The following KCNA4 variants were observed in gnomAD, a reference collection of about 807,000 sequenced individuals.
KCNA4 encodes potassium voltage-gated channel subfamily A member 4.
KCNA4 carries 5 observed loss-of-function variants against 37.2 expected under a neutral mutation model. The observed-to-expected ratio is 0.13, with a 90% confidence interval of 0.07 to 0.28. The LOEUF is 0.28. Among genes scored for constraint, KCNA4 ranks in the 10% least tolerant of loss-of-function variants. The pLI is 1.00. For synonymous variants in KCNA4, 350 were observed against 311.8 expected, an observed-to-expected ratio of 1.12 and a Z score of -1.29; for missense variants, 634 against 817.4, an observed-to-expected ratio of 0.78 and a Z score of 2.74.
chr11:30,010,781 C>G lies in KCNA4; in HGVS notation c.1898G>C (p.Gly633Ala). Residue 633 changes from glycine (G) to alanine (A), a missense_variant, in exon 2 of 2, where the codon GGG becomes GCG. This residue lies in a region of KCNA4 where 91 missense variants were observed against 95.8 expected (regional missense o/e 0.95). Coordinates refer to ENST00000328224, the MANE Select transcript of KCNA4 (RefSeq NM_002233.4). ...CAKEEKCQGK[G>A]DDSETDKNNC... ...GTTTTTATCTGTCTCACTGTCATCCCCCTTTCCCTGACACTTCTCCTCCTT... is the reference window on the plus strand; with the variant it reads ...GTTTTTATCTGTCTCACTGTCATCCGCCTTTCCCTGACACTTCTCCTCCTT... 1 of 1,614,132 alleles carries G rather than the reference C, an allele frequency of 6.2e-7. No individual in the cohort carries two copies.
chr11:30,016,095 A>C (rs1000523863), intron 1 of KCNA4, among the ~76,000 whole-genome samples: 1 of 152,076 alleles, frequency 6.6e-6, no homozygotes, highest in Admixed American at 6.6e-5. Flanking sequence ...CACGCCATTT[A>C]TGCAGCCCCT....
rs947221985 is a variant in KCNA4 at position 30,012,889 on chromosome 11, C to T, written c.-211G>A. ...CTTCTCAGGGATTCAACATTGCTCTCCAGAGCTTGGCTGGTCGAGATAAAT... is the reference window on the plus strand; with the variant it reads ...CTTCTCAGGGATTCAACATTGCTCTTCAGAGCTTGGCTGGTCGAGATAAAT... On this transcript the variant is annotated 5_prime_UTR_variant, in exon 2 of 2. Transcript: ENST00000328224. 50 of 611,914 alleles carry T rather than the reference C, an allele frequency of 8.2e-5. No individual in the cohort carries two copies. In the Middle Eastern group the frequency reaches 2.3e-3, roughly 29 times the overall value. 37.9% of individuals were successfully genotyped at this position (611,914 alleles called of 1,614,324 possible). A position where few individuals can be genotyped will look rare whatever the true frequency, so the allele number is the denominator to read the frequency against.
At chr11:30,013,853 A>T (rs1420044106) in intron 1 of KCNA4, among the ~76,000 whole-genome samples, 1 of 152,124 alleles carries the variant, frequency 6.6e-6, no homozygotes, top group Non-Finnish European at 1.5e-5. Flanking sequence ...TTTCAAGGCA[A>T]TTTTTAAAAT....
At position 30,010,862 on chromosome 11, in the gene KCNA4, C is replaced by G; in HGVS notation, c.1817G>C (p.Gly606Ala). The change falls in exon 2 of 2, where the codon GGG (glycine) becomes GCG (alanine). Residue 606 changes from glycine (G) to alanine (A), a missense_variant. Around this residue, in one of 8 missense-constraint regions of KCNA4, gnomAD observed 91 missense variants for 95.8 expected, o/e 0.95. Coordinates refer to ENST00000328224, the MANE Select transcript of KCNA4 (RefSeq NM_002233.4). Reference protein sequence around the residue: ...KFRSSTSSSLGDKSEYLEMEE... With the variant: ...KFRSSTSSSLADKSEYLEMEE... ...CATCTCTAGATACTCTGACTTGTCC[C>G]CCAGGGAAGAAGAAGTAGAGCTCCG... 2 of 1,614,154 alleles carry G rather than the reference C, an allele frequency of 1.2e-6. No individual in the cohort carries two copies. The highest frequency in any genetic ancestry group is 1.7e-6 in the Non-Finnish European group (2 of 1,180,036).
Position 30,011,560 on chromosome 11 carries a change from G to A in KCNA4, c.1119C>T (p.Ile373=), listed in dbSNP as rs775146851. 1.9e-6 allele frequency: 3 copies of A among 1,614,114 alleles called. No individual in the cohort carries two copies. The highest frequency in any genetic ancestry group is 1.1e-5 in the South Asian group (1 of 91,070). The part of the protein sequence containing the change: ...GHTIFNDPFF[I]VETVCIVWFS... The stretch of plus-strand genomic sequence containing the variant: ...ACCATACAATACAGACTGTTTCCAC[G>A]ATGAAGAAGGGGTCATTGAATATTG... Residue 373 remains isoleucine, a synonymous_variant, in exon 2 of 2, where the codon ATC becomes ATT. Transcript: ENST00000328224. This position sits in a 1 kb window ranked among gnomAD's most constrained non-coding sequence, Gnocchi z 5.6.
Position 30,012,526 on chromosome 11 carries a change from G to GACAGCAGCTGTGGCCGCTGCA in KCNA4, c.132_152dup (p.Ala45_Val51dup). 1 of 1,608,768 alleles carries GACAGCAGCTGTGGCCGCTGCA rather than the reference G, an allele frequency of 6.2e-7. No individual in the cohort carries two copies. Among genetic ancestry groups the GACAGCAGCTGTGGCCGCTGCA allele is most frequent in the Non-Finnish European group, 8.5e-7 (1 of 1,179,930 alleles). Reference sequence around the variant, plus strand: ...CCCCACCAGAACCCCCGCTACCTTCGACAGCAGCTGTGGCCGCTGCAACAG... The same window carrying GACAGCAGCTGTGGCCGCTGCA: ...CCCCACCAGAACCCCCGCTACCTTCGACAGCAGCTGTGGCCGCTGCAACAGCAGCTGTGGCCGCTGCAACAG... On this transcript the variant is annotated inframe_insertion, in exon 2 of 2. Coordinates refer to ENST00000328224, the MANE Select transcript of KCNA4 (RefSeq NM_002233.4).
intron 1 of KCNA4, among the ~76,000 whole-genome samples, chr11:30,013,750 T>A (rs1444892932): frequency 1.3e-5 from 2 of 152,208 alleles, no homozygotes; most frequent in Non-Finnish European, 2.9e-5. Flanking sequence ...TATCTTCCCC[T>A]TCACCAATGC....
Position 30,010,547 on chromosome 11 carries a change from TA to T in KCNA4, c.*169del. 4 of 1,009,790 alleles carry T rather than the reference TA, an allele frequency of 4.0e-6. No individual in the cohort carries two copies. The highest frequency in any genetic ancestry group is 5.4e-6 in the Non-Finnish European group (4 of 737,026). 62.6% of individuals were successfully genotyped at this position (1,009,790 alleles called of 1,614,324 possible). On this transcript the variant is annotated 3_prime_UTR_variant, in exon 2 of 2. Transcript: ENST00000328224. The stretch of plus-strand genomic sequence containing the variant: ...TCCCTCTTCTCCAAGATGTATCATT[TA>T]TTTGATATGTAATACAAGTTTAGTA...
At position 30,012,865 on chromosome 11, in the gene KCNA4, T is replaced by G; in HGVS notation, c.-187A>C. On this transcript the variant is annotated 5_prime_UTR_variant, in exon 2 of 2. Transcript: ENST00000328224. ...AAATCAGCACGCCCCATGCTCTCTC[T>G]TCTCAGGGATTCAACATTGCTCTCC... is the stretch of plus-strand genomic sequence containing the variant. 6.7e-6 allele frequency: 5 copies of G among 746,782 alleles called. No individual in the cohort carries two copies. Among genetic ancestry groups the G allele is most frequent in the Non-Finnish European group, 1.0e-5 (5 of 497,816 alleles). The allele number at this position is 746,782 out of a possible 1,614,324, so 46.3% of individuals were successfully genotyped here. A position where few individuals can be genotyped will look rare whatever the true frequency, so the allele number is the denominator to read the frequency against.
In KCNA4 at chr11:30,011,322, G is replaced by A; in HGVS notation, c.1357C>T (p.Arg453Trp). ...GAGTGCCTGGAGAGTTTGAAGATCCGGAATACTCGGACCAGACGAATGATT... is the reference window on the plus strand; with the variant it reads ...GAGTGCCTGGAGAGTTTGAAGATCCAGAATACTCGGACCAGACGAATGATT... ...LRIIRLVRVF[R>W]IFKLSRHSKG... Residue 453 changes from arginine to tryptophan, a missense_variant, in exon 2 of 2, where the codon CGG becomes TGG. Coordinates refer to ENST00000328224, the MANE Select transcript of KCNA4 (RefSeq NM_002233.4). The surrounding 1 kb of genome is among the most constrained non-coding windows in gnomAD (Gnocchi z 5.6). The A allele has an allele frequency of 6.2e-7, 1 of 1,614,124 alleles. No individual in the cohort carries two copies. Among genetic ancestry groups the A allele is most frequent in the Non-Finnish European group, 8.5e-7 (1 of 1,180,032 alleles).
chr11:30,012,682 G>T lies in KCNA4; in HGVS notation c.-4C>A, dbSNP rs762210491. On this transcript the variant is annotated 5_prime_UTR_variant, in exon 2 of 2. Coordinates refer to ENST00000328224, the MANE Select transcript of KCNA4 (RefSeq NM_002233.4). ...CACTCACCATTGCAACCTCCATGGTGGTGGTTTTCGGAAATGGCTGGTTCC... is the reference window on the plus strand; with the variant it reads ...CACTCACCATTGCAACCTCCATGGTTGTGGTTTTCGGAAATGGCTGGTTCC... The T allele has an allele frequency of 3.5e-5, 54 of 1,524,454 alleles. No individual in the cohort carries two copies. Among genetic ancestry groups the T allele is most frequent in the Non-Finnish European group, 4.7e-5 (53 of 1,135,564 alleles). The allele number at this position is 1,524,454 out of a possible 1,614,324, so 94.4% of individuals were successfully genotyped here. A position where few individuals can be genotyped will look rare whatever the true frequency, so the allele number is the denominator to read the frequency against.
In KCNA4 at chr11:30,012,761, A is replaced by G; in HGVS notation, c.-83T>C. On this transcript the variant is annotated 5_prime_UTR_variant, in exon 2 of 2. Transcript: ENST00000328224. ...GGGCAGCTTCTTTTCTCACCAAATTAAGGTAAGTTTGGAACCCTTAAGCAG... is the reference window on the plus strand; with the variant it reads ...GGGCAGCTTCTTTTCTCACCAAATTGAGGTAAGTTTGGAACCCTTAAGCAG... The G allele has an allele frequency of 6.7e-7, 1 of 1,502,422 alleles. No homozygotes were observed. The highest frequency in any genetic ancestry group is 8.9e-7 in the Non-Finnish European group (1 of 1,125,192). The allele number at this position is 1,502,422 out of a possible 1,614,324, so 93.1% of individuals were successfully genotyped here. A position where few individuals can be genotyped will look rare whatever the true frequency, so the allele number is the denominator to read the frequency against.
Position 30,010,871 on chromosome 11 carries a change from G to C in KCNA4, c.1808C>G (p.Ser603Cys), listed in dbSNP as rs749952273. The change falls in exon 2 of 2, where the codon TCT becomes TGT. Residue 603 changes from serine (S) to cysteine (C), a missense_variant. Ser to Cys is a moderately radical substitution (Grantham distance 112). Around this residue, in one of 8 missense-constraint regions of KCNA4, gnomAD observed 91 missense variants for 95.8 expected, o/e 0.95. Transcript: ENST00000328224. ...LLKKFRSSTS[S>C]SLGDKSEYLE... is the part of the protein sequence containing the mutation. ...ATACTCTGACTTGTCCCCCAGGGAAGAAGAAGTAGAGCTCCGAAATTTCTT... is the reference window on the plus strand; with the variant it reads ...ATACTCTGACTTGTCCCCCAGGGAACAAGAAGTAGAGCTCCGAAATTTCTT... The C allele has an allele frequency of 6.2e-7, 1 of 1,614,200 alleles. No homozygotes were observed. Among genetic ancestry groups the C allele is most frequent in the South Asian group, 1.1e-5 (1 of 91,080 alleles).
At position 30,016,871 on chromosome 11, in the gene KCNA4, T is replaced by A; in HGVS notation, c.-1082A>T. The stretch of plus-strand genomic sequence containing the variant: ...CCTCTGGAGTTCAGCACAGGAGGGA[T>A]TGCCTGGGAAAGGAAGTCAAGGTTC... On this transcript the variant is annotated 5_prime_UTR_variant, in exon 1 of 2. Coordinates refer to ENST00000328224, the MANE Select transcript of KCNA4 (RefSeq NM_002233.4). 2.5e-6 allele frequency: 1 copy of A among 397,958 alleles called. No homozygotes were observed. Among genetic ancestry groups the A allele is most frequent in the East Asian group, 3.6e-5 (1 of 28,008 alleles). The allele number at this position is 397,958 out of a possible 1,614,324, so 24.7% of individuals were successfully genotyped here. A position where few individuals can be genotyped will look rare whatever the true frequency, so the allele number is the denominator to read the frequency against.
intron 1 of KCNA4, among the ~76,000 whole-genome samples, chr11:30,014,707 T>G (rs1850336035): frequency 6.6e-6 from 1 of 152,100 alleles, no homozygotes; most frequent in Non-Finnish European, 1.5e-5. Context: ...TCTCCCAAGA[T>G]CCAGGTAATT....
rs201531731 is a variant in KCNA4, at chr11:30,010,760, T to C, written c.1919A>G (p.Lys640Arg). Residue 640 changes from lysine (K) to arginine (R), a missense_variant, in exon 2 of 2, where the codon AAA becomes AGA. Lys to Arg is a conservative substitution (Grantham distance 26, BLOSUM62 2). Around this residue, in one of 8 missense-constraint regions of KCNA4, gnomAD observed 91 missense variants for 95.8 expected, o/e 0.95. Coordinates refer to ENST00000328224, the MANE Select transcript of KCNA4 (RefSeq NM_002233.4). Reference protein sequence around the residue: ...QGKGDDSETDKNNCSNAKAVE... With the variant: ...QGKGDDSETDRNNCSNAKAVE... ...AGCCTTTGCATTAGAACAGTTGTTT[T>C]TATCTGTCTCACTGTCATCCCCCTT... is the stretch of plus-strand genomic sequence containing the variant. The C allele has an allele frequency of 8.5e-5, 137 of 1,613,136 alleles. No individual in the cohort carries two copies. Among genetic ancestry groups the C allele is most frequent in the Middle Eastern group, 3.3e-4 (2 of 6,070 alleles).
rs1434779787 is a variant in KCNA4, at chr11:30,010,829, C to A, written c.1850G>T (p.Gly617Val). The A allele has an allele frequency of 6.2e-7, 1 of 1,614,036 alleles. No individual in the cohort carries two copies. Among genetic ancestry groups the A allele is most frequent in the Non-Finnish European group, 8.5e-7 (1 of 1,180,032 alleles). ...DKSEYLEMEE[G>V]VKESLCAKEE... ...CTTTGCACACAGAGATTCCTTAACT[C>A]CTTCTTCCATCTCTAGATACTCTGA... Residue 617 changes from glycine to valine, a missense_variant, in exon 2 of 2, where the codon GGA (glycine) becomes GTA (valine). Physicochemically the swap from Gly to Val is moderately radical, Grantham distance 109. This residue lies in a region of KCNA4 where 91 missense variants were observed against 95.8 expected (regional missense o/e 0.95). Coordinates refer to ENST00000328224, the MANE Select transcript of KCNA4 (RefSeq NM_002233.4).
rs1850290817 is a variant in KCNA4 at position 30,010,314 on chromosome 11, T to C, written c.*403A>G. ...CTGATAAATGACTGCTCAGATTCAT[T>C]AGTTCTTACATAGTAAATACTTCAA... On this transcript the variant is annotated 3_prime_UTR_variant, in exon 2 of 2. Coordinates refer to ENST00000328224, the MANE Select transcript of KCNA4 (RefSeq NM_002233.4). The C allele has an allele frequency of 5.7e-6, 1 of 176,252 alleles. No homozygotes were observed. The highest frequency in any genetic ancestry group is 2.4e-5 in the African/African-American group (1 of 42,282). The allele number at this position is 176,252 out of a possible 1,614,324, so 10.9% of individuals were successfully genotyped here. A position where few individuals can be genotyped will look rare whatever the true frequency, so the allele number is the denominator to read the frequency against.
chr11:30,010,407 TAC>T lies in KCNA4; in HGVS notation c.*308_*309del. On this transcript the variant is annotated 3_prime_UTR_variant, in exon 2 of 2. Coordinates refer to ENST00000328224, the MANE Select transcript of KCNA4 (RefSeq NM_002233.4). ...AATTTACTTCACACACACACACATA[TAC>T]ACACACACGCACACACTCTCTCTCT... 8 of 368,124 alleles carry T rather than the reference TAC, an allele frequency of 2.2e-5. No individual in the cohort carries two copies. Among genetic ancestry groups the T allele is most frequent in the East Asian group, 9.6e-5 (2 of 20,770 alleles). 22.8% of individuals were successfully genotyped at this position (368,124 alleles called of 1,614,324 possible).
Sources: gnomAD v4.1 joint callset for allele counts (sites outside exome capture counted in the v4.1 genomes callset) on GRCh38, gnomAD v4.1.1 for gene constraint, gnomAD v4.1.1 regional missense constraint, Gnocchi (gnomAD v3.1) non-coding constraint, MANE v1.5 for transcripts, NCBI Gene and HGNC (gene_info 2026-07-23, HGNC 2026-07-21) for gene names.